Variants in MRPS22 observed in about 807,000 individuals in gnomAD.
MRPS22 encodes mitochondrial ribosomal protein S22.
MRPS22 carries 30 observed loss-of-function variants against 44.0 expected under a neutral mutation model. The ratio of observed to expected loss-of-function variants is 0.68; its 90% CI spans 0.51 to 0.93. The LOEUF (loss-of-function observed/expected upper bound fraction) is 0.93, where lower values mean the gene tolerates loss of function less well. Ranked by LOEUF, MRPS22 falls within the 40% of genes least tolerant of loss-of-function variation. The probability of loss-of-function intolerance (pLI) is 0.00; values close to 1 mark genes in which losing one functional copy is unlikely to be tolerated. For synonymous variants in MRPS22, 165 were observed against 154.4 expected (o/e 1.07, Z -0.51); for missense variants, 447 against 447.8 (o/e 1.00, Z 0.02).
At chr3:139,349,435 G>A (rs10935321) in intron 3 of MRPS22, 166,219 of 373,536 alleles carry the variant, frequency 0.44, 41,145 homozygotes, top group Non-Finnish European at 0.54. Flanking sequence ...CATTAATCAG[G>A]TGTGTATCAA....
rs116470632 is a variant in MRPS22 at position 139,346,508 on chromosome 3, T to G, written c.173-370T>G. Among the ~76,000 whole-genome samples, 3 of 152,350 alleles carry G rather than the reference T, an allele frequency of 2.0e-5. No homozygotes were observed. The East Asian group carries it at 5.8e-4, about 29-fold the overall frequency. ...GGCTTCAGCATCCTCATTTATAAAA[T>G]TGGGTTTATCAGTACCTATTTTGTG... On this transcript the variant is annotated intron_variant, in intron 1 of 7. Transcript: ENST00000680020.
At chr3:139,347,175 T>C in intron 2 of MRPS22, 131 bp downstream of exon 2, 1 of 1,106,920 alleles carries the variant, frequency 9.0e-7, no homozygotes, top group South Asian at 1.3e-5. Context: ...GGCATAGAAC[T>C]GAGAAAAGAA....
At chr3:139,349,918 C>T (rs186971960) in intron 3 of MRPS22, among the ~76,000 whole-genome samples, 5 of 152,234 alleles carry the variant, frequency 3.3e-5, no homozygotes, top group Admixed American at 1.3e-4. Context: ...TTTTTCGTAT[C>T]GAACTCACGT....
In MRPS22 at chr3:139,350,145, C is replaced by T. The variant is rs1371429778; in HGVS notation, c.505-34C>T. 6 of 1,613,630 alleles carry T rather than the reference C, an allele frequency of 3.7e-6. No individual in the cohort carries two copies. The South Asian group carries it at 5.5e-5, about 15-fold the overall frequency. On this transcript the variant is annotated intron_variant, in intron 3 of 7. Transcript: ENST00000680020. ...CACAGGAACTAAAAATACGTCCTCACAAACGCATCCTTGATTATGTTTTTC... is the reference window on the plus strand; with the variant it reads ...CACAGGAACTAAAAATACGTCCTCATAAACGCATCCTTGATTATGTTTTTC...
chr3:139,349,294 T>C (rs1298104800), intron 3 of MRPS22: 2 of 442,328 alleles, frequency 4.5e-6, no homozygotes, highest in Admixed American at 2.5e-5. Context: ...AATTGTATTA[T>C]GTTGGCATGT....
At chr3:139,355,502 T>A (rs1331281911) in intron 6 of MRPS22, 180 bp from the exon 7 acceptor site, 3 of 644,710 alleles carry the variant, frequency 4.7e-6, no homozygotes, top group Non-Finnish European at 8.4e-6. Flanking sequence ...GTGTGAGGCC[T>A]AAATTAGTCA....
In MRPS22 at chr3:139,344,173, A is replaced by G. The variant is rs374045928; in HGVS notation, c.147A>G (p.Pro49=). 6.2e-6 allele frequency: 10 copies of G among 1,611,270 alleles called. No individual in the cohort carries two copies. The South Asian group carries it at 8.8e-5, about 14-fold the overall frequency. The change falls in exon 1 of 8, where the codon CCA becomes CCG. Residue 49 remains proline (P), a synonymous_variant. Transcript: ENST00000680020. The part of the protein sequence containing the change: ...PLPCSFEMGL[P]RRRFSSEAAE... Reference sequence around the variant, plus strand: ...CTTGCTCTTTCGAGATGGGGCTGCCACGCCGCCGGTTCAGCTCCGAGGCCG... The same window carrying G: ...CTTGCTCTTTCGAGATGGGGCTGCCGCGCCGCCGGTTCAGCTCCGAGGCCG...
At chr3:139,347,087 G>C (rs747797238) in intron 2 of MRPS22, 43 bp downstream of exon 2, 1 of 1,608,422 alleles carries the variant, frequency 6.2e-7, no homozygotes, top group Non-Finnish European at 8.5e-7. Flanking sequence ...TTTCTTTAAG[G>C]GTTTAAACAA....
At position 139,350,960 on chromosome 3, in the gene MRPS22, C is replaced by T; in HGVS notation, c.649-17C>T. Reference sequence around the variant, plus strand: ...TCAGTGTTCTCATGTGATGCTAACTCTGCTGTGTGGTTTTAGACTATGTAT... The same window carrying T: ...TCAGTGTTCTCATGTGATGCTAACTTTGCTGTGTGGTTTTAGACTATGTAT... On this transcript the variant is annotated splice_polypyrimidine_tract_variant and intron_variant, in intron 4 of 7. Coordinates refer to ENST00000680020, the MANE Select transcript of MRPS22 (RefSeq NM_020191.4). 6 of 1,609,358 alleles carry T rather than the reference C, an allele frequency of 3.7e-6. No individual in the cohort carries two copies. The highest frequency in any genetic ancestry group is 5.1e-6 in the Non-Finnish European group (6 of 1,175,680).
chr3:139,346,225 C>T (rs1001725974), intron 1 of MRPS22, among the ~76,000 whole-genome samples: 12 of 152,058 alleles, frequency 7.9e-5, no homozygotes, highest in South Asian at 2.1e-4. Context: ...TTTTCTCTGC[C>T]GTGATGAGGC....
chr3:139,355,827 G>T, intron 7 of MRPS22, 37 bp downstream of exon 7: 4 of 1,499,390 alleles, frequency 2.7e-6, no homozygotes, highest in Non-Finnish European at 3.7e-6. Context: ...TTTTGTGGTG[G>T]TAATTGAGCT....
intron 1 of MRPS22, 68 bp from the exon 2 acceptor site, chr3:139,346,810 T>G (rs748699533): frequency 2.1e-5 from 32 of 1,552,506 alleles, no homozygotes; most frequent in Non-Finnish European, 2.8e-5. Context: ...GTTAACTGAC[T>G]TTTCTATTTA....
Position 139,350,283 on chromosome 3 carries a change from A to G in MRPS22, c.609A>G (p.Lys203=). The G allele has an allele frequency of 1.2e-6, 2 of 1,614,154 alleles. No homozygotes were observed. Among genetic ancestry groups the G allele is most frequent in the Non-Finnish European group, 1.7e-6 (2 of 1,180,032 alleles). ...TTTATTTCCCAAAAGAAGGTCGTAA[A>G]ATTTTGACACCAATAATTTTCAAGG... ...IQVYFPKEGR[K]ILTPIIFKEE... is the part of the protein sequence containing the mutation. Residue 203 remains lysine, a synonymous_variant, in exon 4 of 8, where the codon AAA becomes AAG. Transcript: ENST00000680020.
intron 3 of MRPS22, chr3:139,349,202 T>C (rs1371769123): frequency 4.9e-6 from 2 of 407,688 alleles, no homozygotes; most frequent in Non-Finnish European, 9.6e-6. Flanking sequence ...TGCATGTTGG[T>C]TGGGAAGCAT....
rs139438591 is a variant in MRPS22, at chr3:139,344,674, C to T, written c.172+476C>T. Reference sequence around the variant, plus strand: ...AAGCATAGGGGACAGTAGCAGATGTCCAGAAATGAGACTGAGCACAGATAT... The same window carrying T: ...AAGCATAGGGGACAGTAGCAGATGTTCAGAAATGAGACTGAGCACAGATAT... On this transcript the variant is annotated intron_variant, in intron 1 of 7. Coordinates refer to ENST00000680020, the MANE Select transcript of MRPS22 (RefSeq NM_020191.4). 322 of 700,338 alleles carry T rather than the reference C, an allele frequency of 4.6e-4. 2 individuals carry two copies. The African/African-American group carries it at 5.2e-3, about 11-fold the overall frequency. 43.4% of individuals were successfully genotyped at this position (700,338 alleles called of 1,614,324 possible). A position where few individuals can be genotyped will look rare whatever the true frequency, so the allele number is the denominator to read the frequency against.
At chr3:139,344,249 T>C in intron 1 of MRPS22, 51 bp downstream of exon 1, 6 of 1,552,846 alleles carry the variant, frequency 3.9e-6, no homozygotes, top group Non-Finnish European at 5.2e-6. Flanking sequence ...GAGACGTAGA[T>C]CCTGTTTCTG....
intron 2 of MRPS22, 30 bp from the exon 3 acceptor site, chr3:139,348,130 C>A: frequency 6.2e-7 from 1 of 1,611,178 alleles, no homozygotes; most frequent in East Asian, 2.2e-5. Flanking sequence ...AACCTTGTGG[C>A]TTTCCTTAAT....
chr3:139,347,984 G>A (rs566247646), intron 2 of MRPS22, among the ~76,000 whole-genome samples, 176 bp from the exon 3 acceptor site: 4 of 152,316 alleles, frequency 2.6e-5, no homozygotes, highest in East Asian at 3.9e-4. Context: ...CAGCCACATC[G>A]CAGAGGCAAA....
At chr3:139,352,390 T>C (rs1469206260) in intron 5 of MRPS22, 2 of 415,038 alleles carry the variant, frequency 4.8e-6, no homozygotes, top group Admixed American at 7.4e-5. Flanking sequence ...CACCTCAGCT[T>C]CCCAAAGTGT....
Sources: allele counts gnomAD v4.1 joint callset (sites outside exome capture counted in the v4.1 genomes callset), GRCh38; gene constraint gnomAD v4.1.1; transcripts MANE v1.5; gene names NCBI Gene and HGNC (gene_info 2026-07-23, HGNC 2026-07-21).